The following EIF2AK1 variants were observed in gnomAD, a reference collection of about 807,000 sequenced individuals.
EIF2AK1 encodes eukaryotic translation initiation factor 2 alpha kinase 1, also known as eukaryotic translation initiation factor 2-alpha kinase 1.
A neutral mutation model predicts 77.9 loss-of-function variants in EIF2AK1; 54 were observed. That is an observed-to-expected ratio of 0.69 (90% CI 0.56 to 0.87). EIF2AK1 has a LOEUF of 0.87. EIF2AK1 is among the 40% of genes least tolerant of loss of function. The pLI is 0.00. For missense variants in EIF2AK1, 810 were observed against 768.6 expected (o/e 1.05, Z -0.64); for synonymous variants, 314 against 290.5 (o/e 1.08, Z -0.82).
At position 6,023,835 on chromosome 7, in the gene EIF2AK1, T is replaced by A. The variant is rs538466939; in HGVS notation, c.*838A>T. The A allele has an allele frequency of 6.4e-7, 1 of 1,554,720 alleles. No individual in the cohort carries two copies. The highest frequency in any genetic ancestry group is 1.2e-5 in the South Asian group (1 of 84,004). On this transcript the variant is annotated 3_prime_UTR_variant, in exon 15 of 15. Coordinates refer to ENST00000199389, the MANE Select transcript of EIF2AK1 (RefSeq NM_014413.4). ...GTCAATAAAAGCATCATGTAATTTATGGTTTTCATTTTATTTAAAATTCAG... is the reference window on the plus strand; with the variant it reads ...GTCAATAAAAGCATCATGTAATTTAAGGTTTTCATTTTATTTAAAATTCAG...
chr7:6,048,924 T>G, intron 3 of EIF2AK1, 80 bp from the exon 4 acceptor site: 1 of 930,214 alleles, frequency 1.1e-6, no homozygotes, highest in Non-Finnish European at 1.7e-6. Flanking sequence ...CAATATCACA[T>G]TAACAACCCC....
At position 6,032,911 on chromosome 7, in the gene EIF2AK1, C is replaced by T. The variant is rs766627098; in HGVS notation, c.1333-3879G>A. On this transcript the variant is annotated intron_variant, in intron 11 of 14. Coordinates refer to ENST00000199389, the MANE Select transcript of EIF2AK1 (RefSeq NM_014413.4). This position sits in a 1 kb window ranked among gnomAD's most constrained non-coding sequence, Gnocchi z 4.3. Reference sequence around the variant, plus strand: ...GGCCCAGAGTCTGCTCTGCCTGTTACGGCACGGTGCTGACCCAGAAGTCAG... The same window carrying T: ...GGCCCAGAGTCTGCTCTGCCTGTTATGGCACGGTGCTGACCCAGAAGTCAG... 1.5e-5 allele frequency: 23 copies of T among 1,550,702 alleles called. No individual in the cohort carries two copies. Among genetic ancestry groups the T allele is most frequent in the Middle Eastern group, 1.7e-4 (1 of 6,016 alleles).
Position 6,032,399 on chromosome 7 carries a change from G to T in EIF2AK1, c.1333-3367C>A, listed in dbSNP as rs537766595. On this transcript the variant is annotated intron_variant, in intron 11 of 14. Transcript: ENST00000199389. This position sits in a 1 kb window ranked among gnomAD's most constrained non-coding sequence, Gnocchi z 4.3. ...TCTGCTAATCATAGACAGAACATAT[G>T]CTGCGTTATATTTGAAAACCCTGAA... Among the ~76,000 whole-genome samples, 48 of 152,270 alleles carry T rather than the reference G, an allele frequency of 3.2e-4. No homozygotes were observed. The highest frequency in any genetic ancestry group is 1.2e-3 in the African/African-American group (48 of 41,564).
intron 1 of EIF2AK1, among the ~76,000 whole-genome samples, chr7:6,057,777 G>C (rs772836242): frequency 6.6e-6 from 1 of 151,906 alleles, no homozygotes; most frequent in Non-Finnish European, 1.5e-5. Flanking sequence ...GATTACAGGC[G>C]ACCGCCACCA....
rs540573174 is a variant in EIF2AK1, at chr7:6,040,829, G to T, written c.1119+63C>A. 39 of 1,348,554 alleles carry T rather than the reference G, an allele frequency of 2.9e-5. No homozygotes were observed. The South Asian group carries it at 4.7e-4, about 16-fold the overall frequency. 83.5% of individuals were successfully genotyped at this position (1,348,554 alleles called of 1,614,324 possible). The stretch of plus-strand genomic sequence containing the variant: ...CCAGAGCTGAGAGAGGGCGAGAGAA[G>T]GCCACACACCTGCACAGTCACCAAT... On this transcript the variant is annotated intron_variant, in intron 9 of 14. Coordinates refer to ENST00000199389, the MANE Select transcript of EIF2AK1 (RefSeq NM_014413.4).
chr7:6,047,296 T>C (rs1310361963), intron 4 of EIF2AK1: 1 of 676,178 alleles, frequency 1.5e-6, no homozygotes, highest in African/African-American at 1.8e-5. Flanking sequence ...GTATTCCAAG[T>C]AGAAATTATT....
At chr7:6,044,684 T>C in intron 6 of EIF2AK1, 23 bp from the exon 7 acceptor site, 2 of 1,598,374 alleles carry the variant, frequency 1.3e-6, no homozygotes, top group Non-Finnish European at 8.6e-7. Flanking sequence ...TGGAAGTAGA[T>C]CTGCCTTTTG....
intron 2 of EIF2AK1, among the ~76,000 whole-genome samples, chr7:6,052,171 C>CAAA (rs397779941): frequency 7.7e-5 from 7 of 90,716 alleles, no homozygotes; most frequent in Non-Finnish European, 8.9e-5. Context: ...GACTCCTTAT[C>CAAA]AAAAAAAAAA....
At chr7:6,038,518 C>T in intron 10 of EIF2AK1, 42 bp downstream of exon 10, 1 of 1,504,992 alleles carries the variant, frequency 6.6e-7, no homozygotes, top group Non-Finnish European at 9.1e-7. Context: ...GAAGGTGTGA[C>T]TGTGTCTATT....
intron 11 of EIF2AK1, among the ~76,000 whole-genome samples, chr7:6,030,014 C>G (rs978202749): frequency 1.3e-5 from 2 of 152,010 alleles, no homozygotes; most frequent in African/African-American, 2.4e-5. Flanking sequence ...ACTGTCCTGT[C>G]GAGTCCAGAG....
In EIF2AK1 at chr7:6,054,707, A is replaced by C; in HGVS notation, c.119-3T>G. 8 of 1,611,720 alleles carry C rather than the reference A, an allele frequency of 5.0e-6. No homozygotes were observed. Among genetic ancestry groups the C allele is most frequent in the Non-Finnish European group, 6.8e-6 (8 of 1,178,672 alleles). On this transcript the variant is annotated splice_polypyrimidine_tract_variant and splice_region_variant and intron_variant, in intron 1 of 14. Coordinates refer to ENST00000199389, the MANE Select transcript of EIF2AK1 (RefSeq NM_014413.4). ...GATTTCTGCTGGAACATCAGATTCT[A>C]AAAATTAAAAAGGAAAATATTTTTA...
intron 3 of EIF2AK1, 161 bp downstream of exon 3, chr7:6,049,749 AAG>A (rs1369792757): frequency 1.6e-6 from 1 of 611,696 alleles, no homozygotes; most frequent in Non-Finnish European, 2.6e-6. Context: ...CAGCCTCCCA[AAG>A]TGCTGGGATT....
Position 6,036,387 on chromosome 7 carries a change from A to G in EIF2AK1, c.1332+1037T>C. On this transcript the variant is annotated intron_variant, in intron 11 of 14. Transcript: ENST00000199389. This position sits in a 1 kb window ranked among gnomAD's most constrained non-coding sequence, Gnocchi z 4.6. ...TTATGACTTGGCATATACCTCTTGA[A>G]ATAAGACCTCCCAGTTTCACAGCAG... The G allele has an allele frequency of 6.9e-7, 1 of 1,459,142 alleles. No individual in the cohort carries two copies. The highest frequency in any genetic ancestry group is 9.0e-7 in the Non-Finnish European group (1 of 1,106,990). 90.4% of individuals were successfully genotyped at this position (1,459,142 alleles called of 1,614,324 possible). A position where few individuals can be genotyped will look rare whatever the true frequency, so the allele number is the denominator to read the frequency against.
At position 6,035,507 on chromosome 7, in the gene EIF2AK1, G is replaced by A. The variant is rs538970134; in HGVS notation, c.1332+1917C>T. 41 of 1,551,068 alleles carry A rather than the reference G, an allele frequency of 2.6e-5. No homozygotes were observed. Among genetic ancestry groups the A allele is most frequent in the African/African-American group, 6.8e-5 (5 of 73,124 alleles). ...TGCACTGGCCAGTCACTTCCACCAC[G>A]TGGGCAAAACCAGGCAACAGAACGC... On this transcript the variant is annotated intron_variant, in intron 11 of 14. Transcript: ENST00000199389. The surrounding 1 kb of genome is among the most constrained non-coding windows in gnomAD (Gnocchi z 5.5).
intron 11 of EIF2AK1, 32 bp from the exon 12 acceptor site, chr7:6,029,064 G>C (rs767963083): frequency 2.0e-6 from 3 of 1,526,412 alleles, no homozygotes; most frequent in Non-Finnish European, 2.7e-6. Context: ...CAACTCCTTG[G>C]CTTTCTTAAA....
In EIF2AK1 at chr7:6,048,789, A is replaced by C. The variant is rs3213665; in HGVS notation, c.449+18T>G. On this transcript the variant is annotated intron_variant, in intron 4 of 14. Transcript: ENST00000199389. ...CTTTTCAATAGTCTGCATAATCAAG[A>C]AAGTTTTTCACACATACCTGATTTT... 1.3e-6 allele frequency: 2 copies of C among 1,570,164 alleles called. No individual in the cohort carries two copies. The highest frequency in any genetic ancestry group is 1.7e-6 in the Non-Finnish European group (2 of 1,158,162).
intron 13 of EIF2AK1, chr7:6,028,002 G>A (rs1423277989): frequency 2.2e-6 from 1 of 453,138 alleles, no homozygotes; most frequent in Non-Finnish European, 4.4e-6. Context: ...GTTGGAGGCT[G>A]CCATGAGCTA....
In EIF2AK1 at chr7:6,035,938, A is replaced by C; in HGVS notation, c.1332+1486T>G. Reference sequence around the variant, plus strand: ...CGTCTGCTACTCACTCACGGAGCCAAAGTCAACGCCCAGGACTACAAGGGC... The same window carrying C: ...CGTCTGCTACTCACTCACGGAGCCACAGTCAACGCCCAGGACTACAAGGGC... On this transcript the variant is annotated intron_variant, in intron 11 of 14. Transcript: ENST00000199389. This position sits in a 1 kb window ranked among gnomAD's most constrained non-coding sequence, Gnocchi z 5.5. 6.5e-7 allele frequency: 1 copy of C among 1,547,894 alleles called. No individual in the cohort carries two copies.
intron 1 of EIF2AK1, chr7:6,058,246 CA>C (rs749705392): frequency 0.054 from 17,327 of 320,566 alleles, 4 homozygotes; most frequent in South Asian, 0.082. Flanking sequence ...CACATCTCTG[CA>C]AAAAAAAAAA....
Sources: allele counts gnomAD v4.1 joint callset (sites outside exome capture counted in the v4.1 genomes callset), GRCh38; gene constraint gnomAD v4.1.1; non-coding constraint Gnocchi (gnomAD v3.1); transcripts MANE v1.5; gene names NCBI Gene and HGNC (gene_info 2026-07-23, HGNC 2026-07-21).